Variants in SGMS1 observed in about 807,000 individuals in gnomAD.
The protein encoded by SGMS1 is phosphatidylcholine:ceramide cholinephosphotransferase 1.
In SGMS1, 13 loss-of-function variants were observed where a neutral mutation model predicts 46.2. The observed-to-expected ratio is 0.28, with a 90% CI of 0.18 to 0.45. SGMS1 has a LOEUF of 0.45. SGMS1 is among the 20% of genes least tolerant of loss of function. The pLI, the probability that SGMS1 is intolerant of heterozygous loss-of-function variation, is 1.00. For missense variants in SGMS1, 324 were observed against 519.9 expected (o/e 0.62, Z 3.66); for synonymous variants, 203 against 187.8 (o/e 1.08, Z -0.66).
chr10:50,511,446 A>G (rs1837754719), intron 3 of SGMS1, among the ~76,000 whole-genome samples: 1 of 152,202 alleles, frequency 6.6e-6, no homozygotes, highest in Admixed American at 6.6e-5. Flanking sequence ...AGAGCCATTG[A>G]GTATGAAACA....
intron 6 of SGMS1, among the ~76,000 whole-genome samples, chr10:50,367,353 T>C (rs867853850): frequency 9.2e-5 from 14 of 152,192 alleles, no homozygotes; most frequent in Admixed American, 5.2e-4. Flanking sequence ...AAAATAAATT[T>C]CTAATACTTA....
At chr10:50,442,799 T>C (rs950181151) in intron 5 of SGMS1, among the ~76,000 whole-genome samples, 1 of 152,226 alleles carries the variant, frequency 6.6e-6, no homozygotes, top group Non-Finnish European at 1.5e-5. Flanking sequence ...AAAAATTTTC[T>C]CCTATTATTT....
At chr10:50,372,881 G>T (rs549883261) in intron 6 of SGMS1, among the ~76,000 whole-genome samples, 73 of 152,070 alleles carry the variant, frequency 4.8e-4, no homozygotes, top group African/African-American at 1.7e-3. Context: ...GTCCAGAGAG[G>T]TTCCTAATTT....
chr10:50,498,153 C>G (rs946652536), intron 3 of SGMS1, among the ~76,000 whole-genome samples: 1 of 152,146 alleles, frequency 6.6e-6, no homozygotes, highest in Non-Finnish European at 1.5e-5. Flanking sequence ...GACTTGCCCA[C>G]CACCCCTGCT....
chr10:50,311,137 T>G (rs1847245689), intron 9 of SGMS1, 125 bp downstream of exon 9: 1 of 1,133,304 alleles, frequency 8.8e-7, no homozygotes, highest in African/African-American at 1.6e-5. Flanking sequence ...GAGATGAAGC[T>G]GCAAGCCTCC....
chr10:50,556,913 G>A (rs1180767145), intron 2 of SGMS1, among the ~76,000 whole-genome samples: 1 of 152,208 alleles, frequency 6.6e-6, no homozygotes, highest in Admixed American at 6.5e-5. Context: ...ACAGGAGTGT[G>A]CAGAAGAGAA....
intron 6 of SGMS1, among the ~76,000 whole-genome samples, chr10:50,346,119 C>CA (rs1847908141): frequency 6.6e-6 from 1 of 152,152 alleles, no homozygotes; most frequent in African/African-American, 2.4e-5. Flanking sequence ...CATACATAAT[C>CA]CATTATGTGA....
At chr10:50,556,290 ACAACCACTGCCCT>A (rs1838188863) in intron 2 of SGMS1, among the ~76,000 whole-genome samples, 1 of 152,224 alleles carries the variant, frequency 6.6e-6, no homozygotes, top group Non-Finnish European at 1.5e-5. Flanking sequence ...AGCAGTATAC[ACAACCACTGCCCT>A]CAGGACCACC....
chr10:50,314,970 T>A (rs912940079), intron 8 of SGMS1, among the ~76,000 whole-genome samples: 2 of 152,094 alleles, frequency 1.3e-5, no homozygotes, highest in African/African-American at 4.8e-5. Context: ...AACTGTTAAA[T>A]AACTATTCAA....
chr10:50,607,432 C>G (rs1005476902), intron 1 of SGMS1, among the ~76,000 whole-genome samples: 6 of 152,172 alleles, frequency 3.9e-5, no homozygotes, highest in African/African-American at 7.2e-5. Context: ...ACATTTGTCA[C>G]ATATTACCTC....
intron 2 of SGMS1, among the ~76,000 whole-genome samples, chr10:50,527,709 T>A (rs1837916590): frequency 6.6e-6 from 1 of 152,186 alleles, no homozygotes; most frequent in African/African-American, 2.4e-5. Flanking sequence ...GGCCTTTAAC[T>A]ACAAAATGAT....
At position 50,489,043 on chromosome 10, in the gene SGMS1, A is replaced by G. The variant is rs146411316; in HGVS notation, c.-497-22111T>C. ...TTAAATATGTTCCAAAAAATTTCATATTCTACAGGCATACTATTAAACAAA... is the reference window on the plus strand; with the variant it reads ...TTAAATATGTTCCAAAAAATTTCATGTTCTACAGGCATACTATTAAACAAA... On this transcript the variant is annotated intron_variant, in intron 3 of 10. Transcript: ENST00000361781. Among the ~76,000 whole-genome samples the G allele has an allele frequency of 1.8e-3, 267 of 152,328 alleles. 4 individuals are homozygous for G. The East Asian group carries it at 0.03, about 17-fold the overall frequency.
rs190009339 is a variant in SGMS1, at chr10:50,587,504, G to A, written c.-589+2649C>T. ...AAAAATTAGCCTGGCATGGTGGCAC[G>A]CACCTGTAATCCCAGCTACTCGGGA... On this transcript the variant is annotated intron_variant, in intron 2 of 10. Transcript: ENST00000361781. Among the ~76,000 whole-genome samples, 392 of 152,198 alleles carry A rather than the reference G, an allele frequency of 2.6e-3. 6 individuals are homozygous for A. Among genetic ancestry groups the A allele is most frequent in the Non-Finnish European group, 1.1e-3 (74 of 67,984 alleles).
intron 1 of SGMS1, among the ~76,000 whole-genome samples, chr10:50,598,645 A>G (rs951439584): frequency 1.3e-5 from 2 of 152,176 alleles, no homozygotes; most frequent in Admixed American, 1.3e-4. Context: ...ATCAGGAGTC[A>G]GGGTATCAGA....
At chr10:50,553,646 C>G (rs373436765) in intron 2 of SGMS1, among the ~76,000 whole-genome samples, 5 of 152,120 alleles carry the variant, frequency 3.3e-5, no homozygotes, top group African/African-American at 1.2e-4. Context: ...AAGTTCATGC[C>G]TGCGTCTCTG....
At chr10:50,428,538 T>C (rs1849359516) in intron 6 of SGMS1, among the ~76,000 whole-genome samples, 1 of 152,170 alleles carries the variant, frequency 6.6e-6, no homozygotes, top group Non-Finnish European at 1.5e-5. Context: ...GAGCTGAGCT[T>C]TCTTCCCCCC....
chr10:50,485,453 T>C (rs1837512105), intron 3 of SGMS1, among the ~76,000 whole-genome samples: 1 of 152,210 alleles, frequency 6.6e-6, no homozygotes, highest in Admixed American at 6.5e-5. Flanking sequence ...ACTAATATCA[T>C]TAAAATGGCC....
chr10:50,430,510 C>A (rs2133613943), intron 6 of SGMS1, among the ~76,000 whole-genome samples: 1 of 148,730 alleles, frequency 6.7e-6, no homozygotes, highest in African/African-American at 2.5e-5. Flanking sequence ...AGCATTTTCA[C>A]TGCCATGCAA....
intron 6 of SGMS1, among the ~76,000 whole-genome samples, chr10:50,391,517 A>G (rs1291036679): frequency 6.6e-6 from 1 of 152,234 alleles, no homozygotes; most frequent in Non-Finnish European, 1.5e-5. Flanking sequence ...GCCAAAAGTA[A>G]CAGATACTGG....
Sources: gnomAD v4.1 joint callset for allele counts (sites outside exome capture counted in the v4.1 genomes callset) on GRCh38, gnomAD v4.1.1 for gene constraint, MANE v1.5 for transcripts, NCBI Gene and HGNC (gene_info 2026-07-23, HGNC 2026-07-21) for gene names.